Variants in NAV2 observed in about 807,000 individuals in gnomAD.
NAV2 encodes helicase, APC down-regulated 1.
Under a neutral mutation model 223.2 loss-of-function variants are expected in NAV2, and 54 were observed. The observed-to-expected ratio is 0.24, with a 90% CI of 0.19 to 0.30. The LOEUF is 0.30. Ranked by LOEUF, NAV2 falls within the 10% of genes least tolerant of loss-of-function variation. The pLI, the probability that NAV2 is intolerant of heterozygous loss-of-function variation, is 1.00. For synonymous variants in NAV2, 1,279 were observed against 1,239.3 expected, an observed-to-expected ratio of 1.03 and a Z score of -0.67; for missense variants, 2,806 against 3,147.5, an observed-to-expected ratio of 0.89 and a Z score of 2.60.
intron 1 of NAV2, among the ~76,000 whole-genome samples, chr11:19,430,471 A>G (rs750547655): frequency 1.6e-4 from 25 of 152,214 alleles, no homozygotes; most frequent in Non-Finnish European, 3.4e-4. Flanking sequence ...CCATAAGTAC[A>G]GTGCACCCTT....
chr11:19,499,631 T>C (rs1425822835), intron 1 of NAV2, among the ~76,000 whole-genome samples: 1 of 152,204 alleles, frequency 6.6e-6, no homozygotes, highest in Non-Finnish European at 1.5e-5. Flanking sequence ...TGCTCAGCCT[T>C]GGTTTCCCTG....
intron 1 of NAV2, among the ~76,000 whole-genome samples, chr11:19,819,432 A>G (rs2059265147): frequency 6.6e-6 from 1 of 152,180 alleles, no homozygotes; most frequent in South Asian, 2.1e-4. Context: ...CCTGTCCCAC[A>G]GGGTTGTTTT....
chr11:19,469,472 T>C (rs1325446952), intron 1 of NAV2, among the ~76,000 whole-genome samples: 2 of 152,202 alleles, frequency 1.3e-5, no homozygotes, highest in Non-Finnish European at 2.9e-5. Context: ...CCATTTCCAC[T>C]GGTCCTACTA....
intron 1 of NAV2, among the ~76,000 whole-genome samples, chr11:19,823,062 G>A (rs1276243783): frequency 1.3e-5 from 2 of 152,110 alleles, no homozygotes; most frequent in East Asian, 3.9e-4. Context: ...ACAGAGTTTT[G>A]TTTGAGACAG....
At chr11:19,466,300 A>G (rs1008822648) in intron 1 of NAV2, among the ~76,000 whole-genome samples, 1 of 152,158 alleles carries the variant, frequency 6.6e-6, no homozygotes, top group Non-Finnish European at 1.5e-5. Context: ...GCACCTGTCC[A>G]CAATCCCTTA....
chr11:20,055,752 T>G lies in NAV2; in HGVS notation c.4643-17T>G. ...ACATGAATGTCTAACCTTTTGATTC[T>G]ATTCCTTTTATTCCAGCGAGTCCCA... On this transcript the variant is annotated splice_polypyrimidine_tract_variant and intron_variant, in intron 18 of 37. Transcript: ENST00000349880. The G allele has an allele frequency of 1.2e-6, 2 of 1,610,360 alleles. No homozygotes were observed. The highest frequency in any genetic ancestry group is 8.5e-7 in the Non-Finnish European group (1 of 1,177,220).
intron 1 of NAV2, among the ~76,000 whole-genome samples, chr11:19,448,894 A>G (rs977410854): frequency 3.3e-5 from 5 of 152,206 alleles, no homozygotes; most frequent in African/African-American, 1.2e-4. Context: ...CAGAAAGTCA[A>G]TGTGCTCTCT....
chr11:19,504,659 T>C (rs921254800), intron 1 of NAV2, among the ~76,000 whole-genome samples: 2 of 152,172 alleles, frequency 1.3e-5, no homozygotes, highest in Non-Finnish European at 1.5e-5. Context: ...GGTCTTGTTT[T>C]CCCCTTCCAA....
chr11:19,803,474 G>A (rs1212770155), intron 1 of NAV2, among the ~76,000 whole-genome samples: 17 of 152,236 alleles, frequency 1.1e-4, no homozygotes, highest in Non-Finnish European at 4.4e-5. Flanking sequence ...CAGAGCTTCA[G>A]ATATGTGTTC....
At chr11:19,611,689 C>T (rs1309947477) in intron 1 of NAV2, among the ~76,000 whole-genome samples, 1 of 152,230 alleles carries the variant, frequency 6.6e-6, no homozygotes, top group African/African-American at 2.4e-5. Flanking sequence ...GAGGTGGGTT[C>T]CCATGGTCTT....
intron 1 of NAV2, among the ~76,000 whole-genome samples, chr11:19,493,481 T>A (rs765273945): frequency 1.3e-5 from 2 of 152,244 alleles, no homozygotes; most frequent in Non-Finnish European, 2.9e-5. Context: ...TCCATGAGCA[T>A]GAAATATTGT....
intron 20 of NAV2, among the ~76,000 whole-genome samples, chr11:20,063,019 A>G (rs1217703488): frequency 6.6e-6 from 1 of 152,232 alleles, no homozygotes; most frequent in East Asian, 1.9e-4. Context: ...TCTGTAAAGT[A>G]GAAATAATAG....
At chr11:19,879,575 C>G (rs1052607299) in intron 4 of NAV2, among the ~76,000 whole-genome samples, 1 of 152,148 alleles carries the variant, frequency 6.6e-6, no homozygotes, top group African/African-American at 2.4e-5. Context: ...GTAGAACAAG[C>G]ACGGTCTTGC....
At chr11:20,017,256 G>A (rs373009657) in intron 11 of NAV2, among the ~76,000 whole-genome samples, 1 of 152,012 alleles carries the variant, frequency 6.6e-6, no homozygotes, top group African/African-American at 2.4e-5. Flanking sequence ...CCCCACACCC[G>A]CTTACTAAGC....
At chr11:19,528,130 G>A (rs2043903110) in intron 1 of NAV2, among the ~76,000 whole-genome samples, 1 of 152,146 alleles carries the variant, frequency 6.6e-6, no homozygotes, top group African/African-American at 2.4e-5. Flanking sequence ...AGGAAACATA[G>A]CACACTCCCA....
At chr11:19,484,181 A>C (rs2042370305) in intron 1 of NAV2, among the ~76,000 whole-genome samples, 1 of 149,980 alleles carries the variant, frequency 6.7e-6, no homozygotes, top group South Asian at 2.1e-4. Context: ...GAGCTTTCCA[A>C]GACCCCTAAG....
chr11:19,751,282 A>T (rs766217813), intron 1 of NAV2, among the ~76,000 whole-genome samples: 1 of 152,298 alleles, frequency 6.6e-6, no homozygotes, highest in East Asian at 1.9e-4. Context: ...CTGAGCTCTT[A>T]ACCAATACTC....
chr11:19,493,960 CAGG>C (rs1408889724), intron 1 of NAV2, among the ~76,000 whole-genome samples: 2 of 152,228 alleles, frequency 1.3e-5, no homozygotes, highest in African/African-American at 4.8e-5. Flanking sequence ...ATCCTCTTAG[CAGG>C]AGAACTGTTT....
chr11:19,829,958 G>T (rs36011677), intron 1 of NAV2, among the ~76,000 whole-genome samples: 1 of 152,224 alleles, frequency 6.6e-6, no homozygotes, highest in Non-Finnish European at 1.5e-5. Context: ...CGGGTGCGGT[G>T]GCTCACGCCT....
Sources: allele counts gnomAD v4.1 joint callset (sites outside exome capture counted in the v4.1 genomes callset), GRCh38; gene constraint gnomAD v4.1.1; transcripts MANE v1.5; gene names NCBI Gene and HGNC (gene_info 2026-07-23, HGNC 2026-07-21).